Variants in GRM1 observed in about 807,000 individuals in gnomAD.
GRM1 encodes the protein metabotropic glutamate receptor 1.
In GRM1, 33 loss-of-function variants were observed where a neutral mutation model predicts 90.9. That is an observed-to-expected ratio of 0.36 (90% CI 0.28 to 0.49). GRM1 has a LOEUF of 0.49. GRM1 is among the 20% of genes least tolerant of loss of function. GRM1 has a pLI of 0.99. For synonymous variants in GRM1, 700 were observed against 613.2 expected (o/e 1.14, Z -2.09); for missense variants, 1,190 against 1,534.3 (o/e 0.78, Z 3.75).
chr6:146,377,497 A>G (rs976179030), intron 5 of GRM1, among the ~76,000 whole-genome samples: 3 of 152,162 alleles, frequency 2.0e-5, no homozygotes, highest in African/African-American at 4.8e-5. Context: ...TGAATTTGAG[A>G]GAGACAACTT....
At chr6:146,278,994 C>T (rs544523281) in intron 2 of GRM1, among the ~76,000 whole-genome samples, 6 of 152,206 alleles carry the variant, frequency 3.9e-5, no homozygotes, top group African/African-American at 1.4e-4. Flanking sequence ...CGTGAGCGAC[C>T]GCGTCCAGCT....
chr6:146,071,564 A>G (rs1776018703), intron 1 of GRM1, among the ~76,000 whole-genome samples: 1 of 152,188 alleles, frequency 6.6e-6, no homozygotes, highest in South Asian at 2.1e-4. Flanking sequence ...TGGTTTCTTT[A>G]GAAAGCATGA....
At chr6:146,193,195 CAGTT>C (rs1450540589) in intron 2 of GRM1, among the ~76,000 whole-genome samples, 23 of 152,212 alleles carry the variant, frequency 1.5e-4, no homozygotes, top group African/African-American at 3.1e-4. Flanking sequence ...GTTAAATAGA[CAGTT>C]AGATATACAA....
intron 1 of GRM1, among the ~76,000 whole-genome samples, chr6:146,113,005 C>A (rs1038839120): frequency 2.0e-5 from 3 of 152,112 alleles, no homozygotes; most frequent in Non-Finnish European, 4.4e-5. Flanking sequence ...ATTCTGTTTT[C>A]CTCCTCTTAA....
chr6:146,270,916 C>CTTTCTTTCTTTCTTTCTTTCTTT (rs1562571299), intron 2 of GRM1, among the ~76,000 whole-genome samples: 1 of 53,748 alleles, frequency 1.9e-5, no homozygotes, highest in Non-Finnish European at 3.6e-5. Flanking sequence ...TTTCTTTCTT[C>CTTTCTTTCTTTCTTTCTTTCTTT]CTTCCTTCCT....
At chr6:146,234,658 T>C (rs1780572040) in intron 2 of GRM1, among the ~76,000 whole-genome samples, 1 of 152,212 alleles carries the variant, frequency 6.6e-6, no homozygotes, top group African/African-American at 2.4e-5. Context: ...ACATATTTTA[T>C]AAATTCATTG....
intron 1 of GRM1, among the ~76,000 whole-genome samples, chr6:146,088,284 T>C (rs1000687317): frequency 6.6e-6 from 1 of 152,154 alleles, no homozygotes; most frequent in African/African-American, 2.4e-5. Flanking sequence ...AATTGGATTG[T>C]TTGATTTTTG....
intron 1 of GRM1, among the ~76,000 whole-genome samples, chr6:146,076,208 G>A (rs1271231808): frequency 2.6e-5 from 4 of 152,164 alleles, no homozygotes; most frequent in African/African-American, 9.6e-5. Flanking sequence ...TAGACGGCAT[G>A]AAGTCTGAGA....
intron 1 of GRM1, among the ~76,000 whole-genome samples, chr6:146,092,491 T>A (rs997516749): frequency 2.0e-5 from 3 of 152,146 alleles, no homozygotes; most frequent in Admixed American, 2.0e-4. Context: ...GTATTATCTT[T>A]AGAGATTAGA....
chr6:146,233,812 A>G (rs1002677288), intron 2 of GRM1, among the ~76,000 whole-genome samples: 1 of 152,106 alleles, frequency 6.6e-6, no homozygotes, highest in East Asian at 1.9e-4. Flanking sequence ...CTGTTAGACC[A>G]AGCTAGGTCA....
chr6:146,092,622 A>G (rs6913797), intron 1 of GRM1, among the ~76,000 whole-genome samples: 61,510 of 151,732 alleles, frequency 0.41, 12,779 homozygotes, highest in Middle Eastern at 0.54. Context: ...CAAGGACACT[A>G]GCAGGCTTTC....
intron 1 of GRM1, among the ~76,000 whole-genome samples, chr6:146,133,588 G>A (rs563364152): frequency 6.6e-6 from 1 of 152,124 alleles, no homozygotes; most frequent in East Asian, 1.9e-4. Context: ...TCCCTCTCAG[G>A]AGTCCTCTTG....
chr6:146,226,226 A>G (rs1416111581), intron 2 of GRM1, among the ~76,000 whole-genome samples: 2 of 152,152 alleles, frequency 1.3e-5, no homozygotes, highest in Admixed American at 6.6e-5. Context: ...CCAGAGAGCA[A>G]TTCAGGGAGT....
intron 2 of GRM1, among the ~76,000 whole-genome samples, chr6:146,221,364 G>A (rs901108885): frequency 6.6e-6 from 1 of 152,158 alleles, no homozygotes; most frequent in African/African-American, 2.4e-5. Flanking sequence ...CCCGCTGACA[G>A]GCCCCAGTGT....
intron 7 of GRM1, among the ~76,000 whole-genome samples, chr6:146,426,184 A>C (rs1250090948): frequency 9.2e-6 from 1 of 109,032 alleles, no homozygotes; most frequent in Non-Finnish European, 2.1e-5. Context: ...AAACTCATGC[A>C]CTTCCTTTAG....
chr6:146,303,116 A>G (rs1014785148), intron 2 of GRM1, among the ~76,000 whole-genome samples: 1 of 152,158 alleles, frequency 6.6e-6, no homozygotes, highest in Admixed American at 6.5e-5. Flanking sequence ...GTGTGGTTCA[A>G]TGGGAAGATT....
chr6:146,423,854 C>G (rs1562691009), intron 7 of GRM1, among the ~76,000 whole-genome samples: 1 of 152,154 alleles, frequency 6.6e-6, no homozygotes, highest in East Asian at 1.9e-4. Flanking sequence ...GCTCCTGATT[C>G]AAAAAGCAGA....
intron 3 of GRM1, among the ~76,000 whole-genome samples, chr6:146,321,116 T>A (rs1487222046): frequency 6.6e-6 from 1 of 152,238 alleles, no homozygotes; most frequent in East Asian, 1.9e-4. Flanking sequence ...ATTAGTGCTA[T>A]AAACTTCCCT....
In GRM1 at chr6:146,213,730, AGATAGATG is replaced by A. The variant is rs1779763277; in HGVS notation, c.950+54137_950+54144del. Among the ~76,000 whole-genome samples, 5 of 148,446 alleles carry A rather than the reference AGATAGATG, an allele frequency of 3.4e-5. No individual in the cohort carries two copies. The South Asian group carries it at 1.1e-3, about 32-fold the overall frequency. Reference sequence around the variant, plus strand: ...TAGATAGATAGATAGATAGATAGATAGATAGATGGATGAAAGGAGATTTATTGGGGGAA... The same window carrying A: ...TAGATAGATAGATAGATAGATAGATAGATGAAAGGAGATTTATTGGGGGAA... On this transcript the variant is annotated intron_variant, in intron 2 of 7. Coordinates refer to ENST00000282753, the MANE Select transcript of GRM1 (RefSeq NM_001278064.2).
Sources: allele counts gnomAD v4.1 joint callset (sites outside exome capture counted in the v4.1 genomes callset), GRCh38; gene constraint gnomAD v4.1.1; transcripts MANE v1.5; gene names NCBI Gene and HGNC (gene_info 2026-07-23, HGNC 2026-07-21).